The following TMEM44 variants were observed in gnomAD, a reference collection of about 807,000 sequenced individuals.
TMEM44 encodes transmembrane protein 44.
A neutral mutation model predicts 47.8 loss-of-function variants in TMEM44; 43 were observed. That is an observed-to-expected ratio of 0.90 (90% CI 0.70 to 1.16). The LOEUF (loss-of-function observed/expected upper bound fraction) is 1.16. Ranked by LOEUF, TMEM44 falls within the 50% of genes most tolerant of loss-of-function variation. The pLI is 0.00. For missense variants in TMEM44, 568 were observed against 555.2 expected (o/e 1.02, Z -0.23); for synonymous variants, 277 against 238.8 (o/e 1.16, Z -1.48).
chr3:194,630,754 C>T lies in TMEM44; in HGVS notation c.138-2245G>A, dbSNP rs527992963. 8.6e-5 allele frequency among the ~76,000 whole-genome samples: 13 copies of T among 151,638 alleles called. No homozygotes were observed. The South Asian group carries it at 1.0e-3, about 12-fold the overall frequency. On this transcript the variant is annotated intron_variant, in intron 1 of 9. Transcript: ENST00000347147. Reference sequence around the variant, plus strand: ...TCCCGAAGGGGCTGGCTGTTTCCGTCGGCGTCACTGATGGGGCCTCTGAAA... The same window carrying T: ...TCCCGAAGGGGCTGGCTGTTTCCGTTGGCGTCACTGATGGGGCCTCTGAAA...
At chr3:194,596,714 C>T (rs1271271454) in intron 9 of TMEM44, among the ~76,000 whole-genome samples, 1 of 152,158 alleles carries the variant, frequency 6.6e-6, no homozygotes, top group African/African-American at 2.4e-5. Context: ...TCACTTGAAC[C>T]CGGGAGGTGG....
chr3:194,604,582 C>T (rs983440142), intron 8 of TMEM44, 137 bp from the exon 9 acceptor site: 3 of 1,148,240 alleles, frequency 2.6e-6, no homozygotes, highest in East Asian at 2.8e-5. Flanking sequence ...TGCTCTCCTG[C>T]CCTGGCCATC....
At chr3:194,590,692 T>C (rs1712556909) in intron 9 of TMEM44, among the ~76,000 whole-genome samples, 1 of 152,184 alleles carries the variant, frequency 6.6e-6, no homozygotes, top group African/African-American at 2.4e-5. Flanking sequence ...AAAACACTGA[T>C]GCTGGGGCCC....
At chr3:194,617,754 A>G (rs1051669757) in intron 5 of TMEM44, 3 of 703,724 alleles carry the variant, frequency 4.3e-6, no homozygotes, top group Non-Finnish European at 7.8e-6. Flanking sequence ...TTGAGTCGTA[A>G]TCCCCAGTGT....
Position 194,588,419 on chromosome 3 carries a change from C to T in TMEM44, c.*110G>A. ...TGACGGCTCCTGGTTCCTCACTTGCCAGGGCAGCTTCAGTTCCTGCCGCGG... is the reference window on the plus strand; with the variant it reads ...TGACGGCTCCTGGTTCCTCACTTGCTAGGGCAGCTTCAGTTCCTGCCGCGG... On this transcript the variant is annotated 3_prime_UTR_variant, in exon 10 of 10. Transcript: ENST00000347147. 1.1e-6 allele frequency: 1 copy of T among 923,162 alleles called. No individual in the cohort carries two copies. The highest frequency in any genetic ancestry group is 1.7e-6 in the Non-Finnish European group (1 of 597,818). The allele number at this position is 923,162 out of a possible 1,614,324, so 57.2% of individuals were successfully genotyped here.
chr3:194,588,718 A>G (rs3732472), intron 9 of TMEM44, 79 bp from the exon 10 acceptor site: 32,082 of 1,370,452 alleles, frequency 0.023, 451 homozygotes, highest in South Asian at 0.044. Context: ...GACCCAAACA[A>G]AAGCTCCAAT....
Position 194,633,144 on chromosome 3 carries a change from G to A in TMEM44, c.72C>T (p.His24=), listed in dbSNP as rs369359157. 3.2e-5 allele frequency: 50 copies of A among 1,550,812 alleles called. No homozygotes were observed. Among genetic ancestry groups the A allele is most frequent in the Non-Finnish European group, 4.1e-5 (47 of 1,147,820 alleles). ...WDYLDRCFAR[H]RVCISFGLWI... ...ACAGGCCGAAGGAGATGCAGACGCG[G>A]TGGCGGGCGAAGCAGCGGTCCAGGT... Residue 24 remains histidine, a synonymous_variant, in exon 1 of 10, where the codon CAC becomes CAT. Coordinates refer to ENST00000347147, the MANE Select transcript of TMEM44 (RefSeq NM_001011655.3).
At chr3:194,610,347 A>G (rs1715183427) in intron 8 of TMEM44, among the ~76,000 whole-genome samples, 1 of 152,182 alleles carries the variant, frequency 6.6e-6, no homozygotes, top group Non-Finnish European at 1.5e-5. Flanking sequence ...CCTCTTTAGC[A>G]TATGGATTCC....
intron 2 of TMEM44, 26 bp from the exon 3 acceptor site, chr3:194,626,016 T>C (rs758565784): frequency 8.3e-6 from 13 of 1,558,564 alleles, no homozygotes; most frequent in Admixed American, 5.0e-5. Context: ...AAGAGAGTCT[T>C]GGCATTCAAG....
chr3:194,613,052 G>C (rs1715493005), intron 7 of TMEM44, among the ~76,000 whole-genome samples: 1 of 152,210 alleles, frequency 6.6e-6, no homozygotes, highest in Non-Finnish European at 1.5e-5. Flanking sequence ...AGTAAGTTCT[G>C]ACTACTTGTA....
Position 194,591,152 on chromosome 3 carries a change from T to C in TMEM44, c.1177-2513A>G, listed in dbSNP as rs767427442. On this transcript the variant is annotated intron_variant, in intron 9 of 9. Transcript: ENST00000347147. ...GAGGTTGCAGTGAGCTGAGACTGTG[T>C]GATTGTACTCCAGCCTAGGCAACAA... Among the ~76,000 whole-genome samples, 12 of 148,010 alleles carry C rather than the reference T, an allele frequency of 8.1e-5. No homozygotes were observed. The South Asian group carries it at 1.5e-3, about 19-fold the overall frequency.
intron 9 of TMEM44, chr3:194,588,965 C>T: frequency 3.5e-6 from 1 of 284,522 alleles, no homozygotes; most frequent in Non-Finnish European, 6.7e-6. Flanking sequence ...TGACTCCATG[C>T]CTAACTCATT....
chr3:194,610,328 C>T (rs1165001053), intron 8 of TMEM44, among the ~76,000 whole-genome samples: 1 of 152,134 alleles, frequency 6.6e-6, no homozygotes, highest in Non-Finnish European at 1.5e-5. Flanking sequence ...TATACCACCC[C>T]GAAATATGCC....
At chr3:194,626,808 C>T (rs988216117) in intron 2 of TMEM44, among the ~76,000 whole-genome samples, 4 of 151,180 alleles carry the variant, frequency 2.6e-5, no homozygotes, top group South Asian at 2.1e-4. Flanking sequence ...CTCAGCCTCC[C>T]GAGCAGCTGG....
chr3:194,589,479 T>C (rs1712322265), intron 9 of TMEM44: 2 of 152,244 alleles, frequency 1.3e-5, no homozygotes, highest in Admixed American at 6.5e-5. Flanking sequence ...CTCAGGTAGA[T>C]GATGGGCTCC....
chr3:194,620,975 G>A (rs1716472158), intron 5 of TMEM44, among the ~76,000 whole-genome samples: 2 of 149,972 alleles, frequency 1.3e-5, no homozygotes, highest in South Asian at 2.1e-4. Flanking sequence ...GCAGTCAGCC[G>A]AGATTGCATC....
At chr3:194,610,076 A>C (rs778860613) in intron 8 of TMEM44, among the ~76,000 whole-genome samples, 31 of 151,896 alleles carry the variant, frequency 2.0e-4, no homozygotes, top group Non-Finnish European at 1.6e-4. Flanking sequence ...AAAATACAAA[A>C]ATTAGCTGGG....
At chr3:194,602,068 T>C (rs541003478) in intron 9 of TMEM44, among the ~76,000 whole-genome samples, 1 of 152,330 alleles carries the variant, frequency 6.6e-6, no homozygotes, top group Admixed American at 6.5e-5. Flanking sequence ...CCAAGACTGC[T>C]GGCTCCAGGC....
intron 9 of TMEM44, among the ~76,000 whole-genome samples, chr3:194,590,894 G>A (rs757217009): frequency 9.2e-5 from 14 of 152,138 alleles, no homozygotes; most frequent in Non-Finnish European, 1.9e-4. Flanking sequence ...GATCAGGTGA[G>A]CTCTTTAAAC....
Sources: gnomAD v4.1 joint callset for allele counts (sites outside exome capture counted in the v4.1 genomes callset) on GRCh38, gnomAD v4.1.1 for gene constraint, MANE v1.5 for transcripts, NCBI Gene and HGNC (gene_info 2026-07-23, HGNC 2026-07-21) for gene names.